The following CHKB variants were observed in gnomAD, a reference collection of about 807,000 sequenced individuals.
CHKB encodes choline/ethanolamine kinase.
Under a neutral mutation model 57.3 loss-of-function variants are expected in CHKB, and 45 were observed. That is an observed-to-expected ratio of 0.79 (90% CI 0.62 to 1.01). The LOEUF (loss-of-function observed/expected upper bound fraction) is 1.01. Among genes scored for constraint, CHKB ranks in the 50% least tolerant of loss-of-function variants. The pLI is 0.00. For missense variants in CHKB, 517 were observed against 502.8 expected (o/e 1.03, Z -0.27); for synonymous variants, 224 against 201.8 (o/e 1.11, Z -0.93).
intron 10 of CHKB, 30 bp from the exon 11 acceptor site, chr22:50,579,285 G>C (rs1569051667): frequency 1.2e-6 from 2 of 1,608,742 alleles, no homozygotes. Context: ...CCACACAGTG[G>C]TGAGAAGACG....
intron 4 of CHKB, chr22:50,580,916 A>G: frequency 6.4e-6 from 3 of 466,406 alleles, no homozygotes; most frequent in Non-Finnish European, 1.2e-5. Flanking sequence ...AGTAGCTGGG[A>G]CTACAGGTGC....
At position 50,579,511 on chromosome 22, in the gene CHKB, G is replaced by C. The variant is rs761155794; in HGVS notation, c.1032-4C>G. On this transcript the variant is annotated splice_polypyrimidine_tract_variant and splice_region_variant and intron_variant, in intron 9 of 10. Coordinates refer to ENST00000406938, the MANE Select transcript of CHKB (RefSeq NM_005198.5). ...GAAATGGGATGCCAGAGCATACCTG[G>C]GGGGAGGGCAGGAAAAGGAGGGGCA... 27 of 1,613,052 alleles carry C rather than the reference G, an allele frequency of 1.7e-5. No homozygotes were observed. The highest frequency in any genetic ancestry group is 3.3e-4 in the Middle Eastern group (2 of 6,082).
At position 50,579,716 on chromosome 22, in the gene CHKB, T is replaced by G. The variant is rs2070636539; in HGVS notation, c.1031+11A>C. 1.9e-6 allele frequency: 3 copies of G among 1,559,354 alleles called. No homozygotes were observed. The highest frequency in any genetic ancestry group is 8.8e-7 in the Non-Finnish European group (1 of 1,130,914). Reference sequence around the variant, plus strand: ...GCTCTGCCCTACCCCACCCTGCCCCTCCTTCCTCACCGACTGACTTCTACC... The same window carrying G: ...GCTCTGCCCTACCCCACCCTGCCCCGCCTTCCTCACCGACTGACTTCTACC... On this transcript the variant is annotated intron_variant, in intron 9 of 10. Transcript: ENST00000406938.
rs779897037 is a variant in CHKB, at chr22:50,580,338, A to C, written c.736+20T>G. ...TGGCTCTTCCATCTTGGGTTAGGAG[A>C]CTCAGATGCCTTCTCCTACCTTCCT... On this transcript the variant is annotated intron_variant, in intron 6 of 10. Coordinates refer to ENST00000406938, the MANE Select transcript of CHKB (RefSeq NM_005198.5). 1 of 1,613,822 alleles carries C rather than the reference A, an allele frequency of 6.2e-7. No individual in the cohort carries two copies. Among genetic ancestry groups the C allele is most frequent in the Non-Finnish European group, 8.5e-7 (1 of 1,179,964 alleles).
intron 5 of CHKB, 34 bp downstream of exon 5, chr22:50,580,530 AC>A: frequency 6.2e-7 from 1 of 1,612,330 alleles, no homozygotes. Flanking sequence ...AAGGGCGGAC[AC>A]CATTACCATT....
In CHKB at chr22:50,579,845, C is replaced by G; in HGVS notation, c.928-15G>C. 14 of 1,611,214 alleles carry G rather than the reference C, an allele frequency of 8.7e-6. No homozygotes were observed. The highest frequency in any genetic ancestry group is 1.2e-5 in the Non-Finnish European group (14 of 1,177,876). On this transcript the variant is annotated splice_polypyrimidine_tract_variant and intron_variant, in intron 8 of 10. Transcript: ENST00000406938. ...ATAAAATGCAACTACGATCAATGGC[C>G]AAGAGTCAGGAATTGGGGAGACTGT...
In CHKB at chr22:50,578,968, A is replaced by G; in HGVS notation, c.*213T>C. 1 of 607,016 alleles carries G rather than the reference A, an allele frequency of 1.6e-6. No individual in the cohort carries two copies. The highest frequency in any genetic ancestry group is 3.0e-6 in the Non-Finnish European group (1 of 335,430). The allele number at this position is 607,016 out of a possible 1,614,324, so 37.6% of individuals were successfully genotyped here. A position where few individuals can be genotyped will look rare whatever the true frequency, so the allele number is the denominator to read the frequency against. On this transcript the variant is annotated 3_prime_UTR_variant, in exon 11 of 11. Transcript: ENST00000406938. ...TCAGCAGGGCCAGGACAGGGTGGGA[A>G]GAAGAAGCTTGTTTATTGTGTTACA... is the stretch of plus-strand genomic sequence containing the variant.
At position 50,581,766 on chromosome 22, in the gene CHKB, G is replaced by A. The variant is rs1438424780; in HGVS notation, c.430C>T (p.Leu144=). ...QLYGVFPEGR[L]EQYIPSRPLK... is the part of the protein sequence containing the mutation. ...GCCCGTACTGGGATGTACTGTTCCA[G>A]CCGGCCCTCTGGGAAGACTCCGTAC... Residue 144 remains leucine, a synonymous_variant, in exon 3 of 11, where the codon CTG becomes TTG. Coordinates refer to ENST00000406938, the MANE Select transcript of CHKB (RefSeq NM_005198.5). The A allele has an allele frequency of 6.2e-7, 1 of 1,613,914 alleles. No individual in the cohort carries two copies. The highest frequency in any genetic ancestry group is 8.5e-7 in the Non-Finnish European group (1 of 1,179,928).
chr22:50,582,537 G>A (rs2070719982), intron 1 of CHKB, 21 bp downstream of exon 1: 2 of 1,598,216 alleles, frequency 1.3e-6, no homozygotes, highest in Non-Finnish European at 1.7e-6. Context: ...GCACCGGAGA[G>A]GCTGACCCCT....
At chr22:50,579,547 T>G (rs533691792) in intron 9 of CHKB, 40 bp from the exon 10 acceptor site, 6 of 1,603,000 alleles carry the variant, frequency 3.7e-6, no homozygotes, top group Non-Finnish European at 5.1e-6. Context: ...TTCAAGAGCA[T>G]GTCTAGCACT....
Position 50,580,577 on chromosome 22 carries a change from A to G in CHKB, c.665T>C (p.Met222Thr), listed in dbSNP as rs772567324. 71 of 1,613,954 alleles carry G rather than the reference A, an allele frequency of 4.4e-5. No homozygotes were observed. The highest frequency in any genetic ancestry group is 5.9e-5 in the Non-Finnish European group (70 of 1,180,018). The change falls in exon 5 of 11, where the codon ATG (methionine) becomes ACG (threonine). Residue 222 changes from methionine (M) to threonine (T), a missense_variant. By Grantham distance (81) the Met-to-Thr change is moderately conservative. Coordinates refer to ENST00000406938, the MANE Select transcript of CHKB (RefSeq NM_005198.5). ...LLEMYSLKDEMGNLRKLLEST... is the reference protein window; with the variant it reads ...LLEMYSLKDETGNLRKLLEST... Reference sequence around the variant, plus strand: ...TGCCTGCCCTCACCTGAGGTTGCCCATCTCATCCTTCAGGCTGTACATCTC... The same window carrying G: ...TGCCTGCCCTCACCTGAGGTTGCCCGTCTCATCCTTCAGGCTGTACATCTC...
At chr22:50,582,474 GA>G in intron 1 of CHKB, 83 bp downstream of exon 1, 1 of 1,487,104 alleles carries the variant, frequency 6.7e-7, no homozygotes, top group Non-Finnish European at 9.0e-7. Flanking sequence ...AGAGGGGGGC[GA>G]AAACATGGAG....
In CHKB at chr22:50,580,002, G is replaced by T. The variant is rs769598051; in HGVS notation, c.899C>A (p.Pro300His). The T allele has an allele frequency of 6.2e-7, 1 of 1,613,990 alleles. No homozygotes were observed. Among genetic ancestry groups the T allele is most frequent in the Non-Finnish European group, 8.5e-7 (1 of 1,180,012 alleles). Residue 300 changes from proline to histidine, a missense_variant, in exon 8 of 11, where the codon CCC becomes CAC. Pro to His is a moderately conservative substitution (Grantham distance 77, BLOSUM62 -2). Transcript: ENST00000406938. ...HEEWPFYKARPTDYPTQEQQL... is the reference protein window; with the variant it reads ...HEEWPFYKARHTDYPTQEQQL... Reference sequence around the variant, plus strand: ...CTGTTCTTGAGTGGGGTAGTCTGTGGGCCTTGCTTTGTAGAAAGGCCATTC... The same window carrying T: ...CTGTTCTTGAGTGGGGTAGTCTGTGTGCCTTGCTTTGTAGAAAGGCCATTC...
rs1178383553 is a variant in CHKB, at chr22:50,582,328, C to T, written c.254G>A (p.Cys85Tyr). 6.3e-7 allele frequency: 1 copy of T among 1,576,940 alleles called. No individual in the cohort carries two copies. Among genetic ancestry groups the T allele is most frequent in the Non-Finnish European group, 8.6e-7 (1 of 1,163,984 alleles). Residue 85 changes from cysteine to tyrosine, a missense_variant, in exon 2 of 11, where the codon TGC (cysteine) becomes TAC (tyrosine). Coordinates refer to ENST00000406938, the MANE Select transcript of CHKB (RefSeq NM_005198.5). Reference sequence around the variant, plus strand: ...GCTGGGCAGGTGGTCCGGGAGCGAGCAGCGGAAGAGCAGGTTGCTGAGGCC... The same window carrying T: ...GCTGGGCAGGTGGTCCGGGAGCGAGTAGCGGAAGAGCAGGTTGCTGAGGCC... ...SGGLSNLLFR[C>Y]SLPDHLPSVG...
chr22:50,579,008 C>G lies in CHKB; in HGVS notation c.*173G>C. ...ATTGTGTTACATACACAGCACGGGG[C>G]TCTGGCCTGCCAGCCATGGGGACCT... On this transcript the variant is annotated 3_prime_UTR_variant, in exon 11 of 11. Transcript: ENST00000406938. 2.9e-6 allele frequency: 2 copies of G among 688,820 alleles called. No individual in the cohort carries two copies. Among genetic ancestry groups the G allele is most frequent in the Non-Finnish European group, 5.3e-6 (2 of 376,382 alleles). 42.7% of individuals were successfully genotyped at this position (688,820 alleles called of 1,614,324 possible).
chr22:50,582,268 A>G lies in CHKB; in HGVS notation c.314T>C (p.Leu105Pro). ...GEEPREVLLR[L>P]YGAILQGVDS... ...CCTCACCTGCAAGATGGCTCCGTAC[A>G]GCCGCAGAAGCACCTCCCGGGGCTC... The change falls in exon 2 of 11, where the codon CTG becomes CCG. Residue 105 changes from leucine (L) to proline (P), a missense_variant. By Grantham distance (98) the Leu-to-Pro change is moderately conservative. Transcript: ENST00000406938. 6.3e-7 allele frequency: 1 copy of G among 1,592,892 alleles called. No individual in the cohort carries two copies.
chr22:50,582,759 A>C lies in CHKB; in HGVS notation c.23T>G (p.Val8Gly). The C allele has an allele frequency of 6.3e-7, 1 of 1,586,776 alleles. No homozygotes were observed. Among genetic ancestry groups the C allele is most frequent in the Non-Finnish European group, 8.6e-7 (1 of 1,167,908 alleles). MAAEATA[V>G]AGSGAVGGCL... ...GCCGCCAACAGCCCCGCTTCCGGCC[A>C]CAGCTGTCGCCTCGGCCGCCATGGC... The change falls in exon 1 of 11, where the codon GTG becomes GGG. Residue 8 changes from valine (V) to glycine (G), a missense_variant. Transcript: ENST00000406938.
Position 50,579,089 on chromosome 22 carries a change from G to T in CHKB, c.*92C>A. The T allele has an allele frequency of 7.9e-7, 1 of 1,272,614 alleles. No homozygotes were observed. Among genetic ancestry groups the T allele is most frequent in the Non-Finnish European group, 1.1e-6 (1 of 891,496 alleles). The allele number at this position is 1,272,614 out of a possible 1,614,324, so 78.8% of individuals were successfully genotyped here. Reference sequence around the variant, plus strand: ...AACCTCAGTTTCACTTGGGGGCTCAGCCCAGTCGCCAGGGCCTTCTGCTCG... The same window carrying T: ...AACCTCAGTTTCACTTGGGGGCTCATCCCAGTCGCCAGGGCCTTCTGCTCG... On this transcript the variant is annotated 3_prime_UTR_variant, in exon 11 of 11. Transcript: ENST00000406938.
chr22:50,582,705 G>C lies in CHKB; in HGVS notation c.77C>G (p.Ser26Cys), dbSNP rs2070726057. 6.2e-7 allele frequency: 1 copy of C among 1,609,510 alleles called. No homozygotes were observed. Among genetic ancestry groups the C allele is most frequent in the African/African-American group, 1.3e-5 (1 of 74,718 alleles). ...GCLAKDGLQQ[S>C]KCPDTTPKRR... ...TTTTGGGGTAGTGTCCGGGCACTTA[G>C]ACTGCTGCAAGCCGTCTTTGGCCAG... The change falls in exon 1 of 11, where the codon TCT becomes TGT. Residue 26 changes from serine to cysteine, a missense_variant. Coordinates refer to ENST00000406938, the MANE Select transcript of CHKB (RefSeq NM_005198.5).
Sources: gnomAD v4.1 joint callset for allele counts on GRCh38, gnomAD v4.1.1 for gene constraint, MANE v1.5 for transcripts, NCBI Gene and HGNC (gene_info 2026-07-23, HGNC 2026-07-21) for gene names.